Variants in NPEPPS observed in about 807,000 individuals in gnomAD.
The protein encoded by NPEPPS is puromycin-sensitive aminopeptidase.
A neutral mutation model predicts 115.5 loss-of-function variants in NPEPPS; 14 were observed. The ratio of observed to expected loss-of-function variants is 0.12; its 90% CI spans 0.08 to 0.19. The LOEUF is 0.19. NPEPPS is among the 10% of genes least tolerant of loss of function. The pLI is 1.00. For synonymous variants in NPEPPS, 285 were observed against 390.6 expected (o/e 0.73, Z 3.19); for missense variants, 523 against 1,110.8 (o/e 0.47, Z 7.52).
chr17:47,588,353 C>T (rs1411972132), intron 9 of NPEPPS, among the ~76,000 whole-genome samples: 5 of 151,968 alleles, frequency 3.3e-5, no homozygotes, highest in Non-Finnish European at 5.9e-5. Flanking sequence ...CTTGAGGTCA[C>T]GTGTTTGAGA....
At chr17:47,592,323 G>C (rs978757732) in intron 11 of NPEPPS, among the ~76,000 whole-genome samples, 162 bp from the exon 12 acceptor site, 1 of 151,976 alleles carries the variant, frequency 6.6e-6, no homozygotes, top group Non-Finnish European at 1.5e-5. Context: ...CATAGAGTAC[G>C]CATTATTAAA....
chr17:47,562,279 G>T (rs959757390), intron 2 of NPEPPS, among the ~76,000 whole-genome samples: 4 of 152,210 alleles, frequency 2.6e-5, no homozygotes, highest in Admixed American at 6.5e-5. Context: ...TGAAGTGGGG[G>T]CAGTCTTGTG....
chr17:47,615,069 C>CTT lies in NPEPPS; in HGVS notation c.2295+1346_2295+1347dup, dbSNP rs1197137063. The stretch of plus-strand genomic sequence containing the variant: ...ACCCATGTTGTAATAGGTTTACTTT[C>CTT]TTTCTTTTTTTTTTTTTTTTTTTTT... On this transcript the variant is annotated intron_variant, in intron 19 of 22. Transcript: ENST00000322157. 6.2e-4 allele frequency among the ~76,000 whole-genome samples: 74 copies of CTT among 119,656 alleles called. 1 individual carries two copies. Among genetic ancestry groups the CTT allele is most frequent in the African/African-American group, 2.4e-3 (74 of 31,020 alleles). The allele number at this position is 119,656 out of a possible 152,430, so 78.5% of individuals were successfully genotyped here.
chr17:47,599,100 T>C (rs942389259), intron 13 of NPEPPS, among the ~76,000 whole-genome samples: 1 of 152,240 alleles, frequency 6.6e-6, no homozygotes, highest in African/African-American at 2.4e-5. Flanking sequence ...ATGATCTGTT[T>C]CTCACTTTAC....
chr17:47,616,865 G>GAAAAAAA (rs202070532), intron 19 of NPEPPS, among the ~76,000 whole-genome samples: 1 of 140,544 alleles, frequency 7.1e-6, no homozygotes, highest in Admixed American at 7.1e-5. Flanking sequence ...ATTGTTTATT[G>GAAAAAAA]AAAAAAAAAA....
At chr17:47,599,574 C>G (rs779984748) in intron 13 of NPEPPS, 102 bp from the exon 14 acceptor site, 126 of 845,480 alleles carry the variant, frequency 1.5e-4, no homozygotes, top group Non-Finnish European at 2.2e-4. Flanking sequence ...TGTGCTCGTT[C>G]CAGCATTTGT....
chr17:47,544,783 G>A (rs1265721395), intron 1 of NPEPPS, among the ~76,000 whole-genome samples: 2 of 135,058 alleles, frequency 1.5e-5, no homozygotes, highest in Non-Finnish European at 3.1e-5. Flanking sequence ...GTGCGATCTC[G>A]GCCCATTGCA....
rs1283684921 is a variant in NPEPPS at position 47,554,099 on chromosome 17, G to C, written c.340+8106G>C. Among the ~76,000 whole-genome samples, 5 of 151,538 alleles carry C rather than the reference G, an allele frequency of 3.3e-5. No homozygotes were observed. The East Asian group carries it at 9.7e-4, about 29-fold the overall frequency. On this transcript the variant is annotated intron_variant, in intron 2 of 22. Transcript: ENST00000322157. ...CTTGTTGCCCAGGCTGGAGTGCGATGGTGTGATCTCGGCTCACTGCAACCG... is the reference window on the plus strand; with the variant it reads ...CTTGTTGCCCAGGCTGGAGTGCGATCGTGTGATCTCGGCTCACTGCAACCG...
intron 2 of NPEPPS, among the ~76,000 whole-genome samples, chr17:47,562,128 A>T (rs1303482319): frequency 6.6e-6 from 1 of 152,188 alleles, no homozygotes; most frequent in Non-Finnish European, 1.5e-5. Context: ...ATTCTTTATA[A>T]TAAACCAGTA....
At chr17:47,558,084 A>G (rs921322120) in intron 2 of NPEPPS, among the ~76,000 whole-genome samples, 2 of 151,556 alleles carry the variant, frequency 1.3e-5, no homozygotes, top group Non-Finnish European at 2.9e-5. Context: ...ACGCCACCAC[A>G]CGTGGCTCAT....
In NPEPPS at chr17:47,546,043, GGT is replaced by G. The variant is rs372434515; in HGVS notation, c.340+80_340+81del. 1,062 of 1,213,344 alleles carry G rather than the reference GGT, an allele frequency of 8.8e-4. 3 individuals carry two copies. The highest frequency in any genetic ancestry group is 3.5e-3 in the African/African-American group (211 of 60,042). 75.2% of individuals were successfully genotyped at this position (1,213,344 alleles called of 1,614,324 possible). Reference sequence around the variant, plus strand: ...TTGCTGTCTGCATGTGCATATGTGGGGTGTGTGTGTGTGTGTGTGTGTGTGTG... The same window carrying G: ...TTGCTGTCTGCATGTGCATATGTGGGGTGTGTGTGTGTGTGTGTGTGTGTG... On this transcript the variant is annotated intron_variant, in intron 2 of 22. Transcript: ENST00000322157.
chr17:47,592,068 A>G lies in NPEPPS; in HGVS notation c.1365+8A>G, dbSNP rs772990316. On this transcript the variant is annotated splice_region_variant and intron_variant, in intron 11 of 22. Coordinates refer to ENST00000322157, the MANE Select transcript of NPEPPS (RefSeq NM_006310.4). ...GACTACATTGGGGATAAGGTAAAAAAAAACTTTAAATATTTCATTCTTTTA... is the reference window on the plus strand; with the variant it reads ...GACTACATTGGGGATAAGGTAAAAAGAAACTTTAAATATTTCATTCTTTTA... The G allele has an allele frequency of 7.4e-5, 108 of 1,450,482 alleles. No individual in the cohort carries two copies. Among genetic ancestry groups the G allele is most frequent in the Non-Finnish European group, 1.0e-4 (105 of 1,038,896 alleles). The allele number at this position is 1,450,482 out of a possible 1,614,324, so 89.9% of individuals were successfully genotyped here.
At chr17:47,582,257 C>T (rs1911926138) in intron 4 of NPEPPS, 1 of 184,636 alleles carries the variant, frequency 5.4e-6, no homozygotes, top group Admixed American at 5.6e-5. Flanking sequence ...ATTGATAGAG[C>T]ATCTGTCTTT....
In NPEPPS at chr17:47,602,569, C is replaced by T. The variant is rs138217316; in HGVS notation, c.1740+822C>T. On this transcript the variant is annotated intron_variant, in intron 15 of 22. Coordinates refer to ENST00000322157, the MANE Select transcript of NPEPPS (RefSeq NM_006310.4). ...AGGAGAATCGCTTGAACCCAGGAGG[C>T]GGAGGTTGCAGTGAGCCGAGATCGT... Among the ~76,000 whole-genome samples, 302 of 140,110 alleles carry T rather than the reference C, an allele frequency of 2.2e-3. 2 individuals are homozygous for T. Among genetic ancestry groups the T allele is most frequent in the African/African-American group, 7.4e-3 (275 of 37,066 alleles). 91.9% of individuals were successfully genotyped at this position (140,110 alleles called of 152,430 possible).
In NPEPPS at chr17:47,601,905, T is replaced by C. The variant is rs1015818597; in HGVS notation, c.1740+158T>C. ...ATTTTCATATAGTATTGTCCAGACA[T>C]TTGTCCTTATGTTAGGGAAGGTAGT... On this transcript the variant is annotated intron_variant, in intron 15 of 22. Coordinates refer to ENST00000322157, the MANE Select transcript of NPEPPS (RefSeq NM_006310.4). 5.6e-6 allele frequency: 4 copies of C among 714,254 alleles called. No homozygotes were observed. In the African/African-American group the frequency reaches 7.3e-5, roughly 13 times the overall value. The allele number at this position is 714,254 out of a possible 1,614,324, so 44.2% of individuals were successfully genotyped here.
At chr17:47,525,549 G>T (rs1907397511) in intron 1 of NPEPPS, among the ~76,000 whole-genome samples, 1 of 152,090 alleles carries the variant, frequency 6.6e-6, no homozygotes, top group Admixed American at 6.6e-5. Flanking sequence ...CTCCATGTTG[G>T]TCAGGCTGGT....
intron 19 of NPEPPS, among the ~76,000 whole-genome samples, chr17:47,617,420 C>T (rs925306158): frequency 3.3e-5 from 5 of 151,886 alleles, no homozygotes; most frequent in Non-Finnish European, 7.4e-5. Context: ...TGCAGTGGTA[C>T]GATATGGGCT....
intron 2 of NPEPPS, among the ~76,000 whole-genome samples, chr17:47,563,026 G>T (rs1340338903): frequency 5.4e-5 from 8 of 147,586 alleles, no homozygotes; most frequent in Admixed American, 2.0e-4. Flanking sequence ...TTTTTTTGTT[G>T]TTTGTTTGTT....
intron 11 of NPEPPS, 50 bp from the exon 12 acceptor site, chr17:47,592,435 T>C (rs1468793678): frequency 2.6e-6 from 4 of 1,529,606 alleles, no homozygotes; most frequent in Non-Finnish European, 3.5e-6. Context: ...AAATATACTA[T>C]AAATTCTGAG....
Sources: gnomAD v4.1 joint callset for allele counts (sites outside exome capture counted in the v4.1 genomes callset) on GRCh38, gnomAD v4.1.1 for gene constraint, MANE v1.5 for transcripts, NCBI Gene and HGNC (gene_info 2026-07-23, HGNC 2026-07-21) for gene names.